SHE: variants seen among roughly 807,000 people sequenced by gnomAD.
SHE encodes the protein SH2 domain-containing adapter protein E.
Under a neutral mutation model 49.8 loss-of-function variants are expected in SHE, and 11 were observed. That is an observed-to-expected ratio of 0.22 (90% CI 0.14 to 0.37). The LOEUF (loss-of-function observed/expected upper bound fraction) is 0.37. Ranked by LOEUF, SHE falls within the 10% of genes least tolerant of loss-of-function variation. The pLI is 1.00. For missense variants in SHE, 624 were observed against 655.5 expected (o/e 0.95, Z 0.52); for synonymous variants, 310 against 278.1 (o/e 1.11, Z -1.14).
chr1:154,482,907 T>C lies in SHE; in HGVS notation c.*1242A>G. On this transcript the variant is annotated 3_prime_UTR_variant, in exon 6 of 6. Coordinates refer to ENST00000304760, the MANE Select transcript of SHE (RefSeq NM_001010846.3). ...TAATCAGATCTTAGGGTTGCATTTT[T>C]AAAAAATTTACTACAAAGCAAATCT... The C allele has an allele frequency of 1.0e-6, 1 of 985,168 alleles. No homozygotes were observed. Among genetic ancestry groups the C allele is most frequent in the Non-Finnish European group, 1.2e-6 (1 of 829,706 alleles). 61.0% of individuals were successfully genotyped at this position (985,168 alleles called of 1,614,324 possible). A position where few individuals can be genotyped will look rare whatever the true frequency, so the allele number is the denominator to read the frequency against.
intron 4 of SHE, 108 bp from the exon 5 acceptor site, chr1:154,486,170 C>T (rs927704389): frequency 1.3e-4 from 188 of 1,445,986 alleles, no homozygotes; most frequent in Middle Eastern, 2.4e-4. Flanking sequence ...CTGGCAGAGA[C>T]GCAACAGCCT....
intron 2 of SHE, among the ~76,000 whole-genome samples, chr1:154,493,607 A>G (rs756038334): frequency 1.3e-5 from 2 of 152,228 alleles, no homozygotes; most frequent in Non-Finnish European, 2.9e-5. Flanking sequence ...GGTTGGTGTG[A>G]AACATTATAG....
At position 154,494,881 on chromosome 1, in the gene SHE, G is replaced by A. The variant is rs187733509; in HGVS notation, c.718+4231C>T. On this transcript the variant is annotated intron_variant, in intron 2 of 5. Coordinates refer to ENST00000304760, the MANE Select transcript of SHE (RefSeq NM_001010846.3). Reference sequence around the variant, plus strand: ...AGTCTGACCAACATGGTGAAACCCCGTCTCTACTAAAAATACGAAAATTAG... The same window carrying A: ...AGTCTGACCAACATGGTGAAACCCCATCTCTACTAAAAATACGAAAATTAG... 3.8e-3 allele frequency among the ~76,000 whole-genome samples: 578 copies of A among 152,218 alleles called. 2 individuals carry two copies. Among genetic ancestry groups the A allele is most frequent in the African/African-American group, 0.013 (549 of 41,542 alleles).
downstream of SHE, among the ~76,000 whole-genome samples, chr1:154,478,675 C>G (rs1182491276): frequency 1.3e-5 from 2 of 152,156 alleles, no homozygotes; most frequent in Non-Finnish European, 2.9e-5. Context: ...TACATCTTGG[C>G]CTTTCACAGG....
At chr1:154,484,969 A>G (rs1465416961) in intron 5 of SHE, 2 of 151,670 alleles carry the variant, frequency 1.3e-5, no homozygotes, top group African/African-American at 4.8e-5. Context: ...CATCTCAAAA[A>G]AAAAAAAAAA....
intron 2 of SHE, 101 bp downstream of exon 2, chr1:154,499,011 A>C (rs1692622624): frequency 7.0e-7 from 1 of 1,431,566 alleles, no homozygotes; most frequent in Admixed American, 2.2e-5. Context: ...GATCTGGGTA[A>C]ATTGCTTTAT....
intron 1 of SHE, among the ~76,000 whole-genome samples, chr1:154,500,088 A>C (rs1483875108): frequency 6.6e-6 from 1 of 152,192 alleles, no homozygotes; most frequent in African/African-American, 2.4e-5. Flanking sequence ...ATTCAGATAC[A>C]TGAGGAGAAG....
exon 2 of SHE, chr1:154,470,200 TCACC>T (rs1691708882): frequency 1.5e-6 from 1 of 665,678 alleles, no homozygotes; most frequent in African/African-American, 1.9e-5. Context: ...GGACCAGATG[TCACC>T]CAGGTGGCCA....
chr1:154,491,119 G>A (rs1692347753), intron 2 of SHE, among the ~76,000 whole-genome samples: 1 of 152,088 alleles, frequency 6.6e-6, no homozygotes, highest in South Asian at 2.1e-4. Flanking sequence ...GTCATTTTGT[G>A]GCTCTTCTAA....
Position 154,484,138 on chromosome 1 carries a change from G to A in SHE, c.*11C>T. On this transcript the variant is annotated 3_prime_UTR_variant, in exon 6 of 6. Coordinates refer to ENST00000304760, the MANE Select transcript of SHE (RefSeq NM_001010846.3). ...AGGTGCCAGAGGCCCAGGGCTTGCA[G>A]TGGCTGAATCTTAGTGAAGCTTGCT... 1.2e-6 allele frequency: 2 copies of A among 1,609,098 alleles called. No individual in the cohort carries two copies. The highest frequency in any genetic ancestry group is 1.7e-6 in the Non-Finnish European group (2 of 1,176,290).
In SHE at chr1:154,501,741, C is replaced by T. The variant is rs1335015387; in HGVS notation, c.286G>A (p.Val96Ile). The change falls in exon 1 of 6, where the codon GTC (valine) becomes ATC (isoleucine). Residue 96 changes from valine to isoleucine, a missense_variant. Physicochemically the swap from Val to Ile is conservative, Grantham distance 29. Around this residue, in one of 4 missense-constraint regions of SHE, gnomAD observed 337 missense variants for 306.0 expected, o/e 1.10. Transcript: ENST00000304760. ...GACAGCCGGCTGTCCTTGGGGCCGA[C>T]GCCGGCCCTGCCGCTCCCCAGCTCG... ...AAELGSGRAG[V>I]GPKDSRLSRD... is the part of the protein sequence containing the mutation. 6.4e-7 allele frequency: 1 copy of T among 1,574,032 alleles called. No homozygotes were observed. Among genetic ancestry groups the T allele is most frequent in the Non-Finnish European group, 8.6e-7 (1 of 1,165,136 alleles).
At chr1:154,469,703 G>C (rs1691697823), downstream of SHE, 1 of 152,276 alleles carries the variant, frequency 6.6e-6, no homozygotes, top group Non-Finnish European at 1.5e-5. Flanking sequence ...GAAGGGGTGT[G>C]TGGGATTTTG....
chr1:154,502,056 G>A lies in SHE; in HGVS notation c.-30C>T, dbSNP rs1034756947. 273 of 1,261,568 alleles carry A rather than the reference G, an allele frequency of 2.2e-4. No individual in the cohort carries two copies. Among genetic ancestry groups the A allele is most frequent in the Non-Finnish European group, 2.5e-4 (256 of 1,006,256 alleles). 78.1% of individuals were successfully genotyped at this position (1,261,568 alleles called of 1,614,324 possible). On this transcript the variant is annotated 5_prime_UTR_variant, in exon 1 of 6. Transcript: ENST00000304760. ...CGTGACTGGGGCGCTGGAGGCCGCGGCGAGGCCCCGCGACGGCTGCTCCGT... is the reference window on the plus strand; with the variant it reads ...CGTGACTGGGGCGCTGGAGGCCGCGACGAGGCCCCGCGACGGCTGCTCCGT...
downstream of SHE, among the ~76,000 whole-genome samples, chr1:154,475,737 T>C (rs1691863793): frequency 6.6e-6 from 1 of 152,146 alleles, no homozygotes; most frequent in Non-Finnish European, 1.5e-5. Context: ...TGTAAGACAG[T>C]AATTGTTGAT....
At chr1:154,487,365 G>A (rs1359877272) in intron 3 of SHE, among the ~76,000 whole-genome samples, 1 of 151,578 alleles carries the variant, frequency 6.6e-6, no homozygotes. Context: ...GCAAGAATGT[G>A]TATCATCCTA....
rs1691989545 is a variant in SHE, at chr1:154,480,466, T to G, written c.*3683A>C. On this transcript the variant is annotated 3_prime_UTR_variant, in exon 6 of 6. Coordinates refer to ENST00000304760, the MANE Select transcript of SHE (RefSeq NM_001010846.3). Reference sequence around the variant, plus strand: ...CCAGTAACAACAGCCAATAACAGACTAGTAACAGAGTTACATAATCCAATT... The same window carrying G: ...CCAGTAACAACAGCCAATAACAGACGAGTAACAGAGTTACATAATCCAATT... 3.0e-6 allele frequency: 3 copies of G among 985,312 alleles called. No homozygotes were observed. In the South Asian group the frequency reaches 1.4e-4, roughly 46 times the overall value. 61.0% of individuals were successfully genotyped at this position (985,312 alleles called of 1,614,324 possible). A position where few individuals can be genotyped will look rare whatever the true frequency, so the allele number is the denominator to read the frequency against.
Position 154,483,715 on chromosome 1 carries a change from G to C in SHE, c.*434C>G, listed in dbSNP as rs530807006. 4.0e-6 allele frequency: 4 copies of C among 993,632 alleles called. No homozygotes were observed. The highest frequency in any genetic ancestry group is 2.2e-4 in the East Asian group (2 of 9,148). The allele number at this position is 993,632 out of a possible 1,614,324, so 61.6% of individuals were successfully genotyped here. On this transcript the variant is annotated 3_prime_UTR_variant, in exon 6 of 6. Coordinates refer to ENST00000304760, the MANE Select transcript of SHE (RefSeq NM_001010846.3). ...CACTTTAAGACCAAAGACTTGGCCG[G>C]GTGCAGTGGCTCATGCCTGTAATCC... is the stretch of plus-strand genomic sequence containing the variant.
chr1:154,483,489 C>G lies in SHE; in HGVS notation c.*660G>C, dbSNP rs902298621. The stretch of plus-strand genomic sequence containing the variant: ...GATTTTTTGTTGGTTTGTTTAGAGA[C>G]CAGGTATTCCAGGTAACAAGTAGGC... On this transcript the variant is annotated 3_prime_UTR_variant, in exon 6 of 6. Transcript: ENST00000304760. The G allele has an allele frequency of 8.1e-6, 8 of 985,268 alleles. No individual in the cohort carries two copies. The highest frequency in any genetic ancestry group is 8.4e-6 in the Non-Finnish European group (7 of 829,940). The allele number at this position is 985,268 out of a possible 1,614,324, so 61.0% of individuals were successfully genotyped here. A position where few individuals can be genotyped will look rare whatever the true frequency, so the allele number is the denominator to read the frequency against.
In SHE at chr1:154,480,427, A is replaced by C; in HGVS notation, c.*3722T>G. 1.0e-6 allele frequency: 1 copy of C among 985,436 alleles called. No individual in the cohort carries two copies. The highest frequency in any genetic ancestry group is 1.2e-6 in the Non-Finnish European group (1 of 829,934). The allele number at this position is 985,436 out of a possible 1,614,324, so 61.0% of individuals were successfully genotyped here. On this transcript the variant is annotated 3_prime_UTR_variant, in exon 6 of 6. Coordinates refer to ENST00000304760, the MANE Select transcript of SHE (RefSeq NM_001010846.3). ...GAATGCCTCACAGTTATTCTTCTGAATATCAAGATGCATCCAGTAACAACA... is the reference window on the plus strand; with the variant it reads ...GAATGCCTCACAGTTATTCTTCTGACTATCAAGATGCATCCAGTAACAACA...
Sources: gnomAD v4.1 joint callset for allele counts (sites outside exome capture counted in the v4.1 genomes callset) on GRCh38, gnomAD v4.1.1 for gene constraint, gnomAD v4.1.1 regional missense constraint, MANE v1.5 for transcripts, NCBI Gene and HGNC (gene_info 2026-07-23, HGNC 2026-07-21) for gene names.